The following ADAMTSL1 variants were observed in gnomAD, a reference collection of about 807,000 sequenced individuals.
ADAMTSL1 encodes the protein ADAMTS like 1, also known as ADAMTS-like protein 1.
In ADAMTSL1, 126 loss-of-function variants were observed where a neutral mutation model predicts 201.8. The observed-to-expected ratio is 0.62, with a 90% CI of 0.54 to 0.72. The LOEUF (loss-of-function observed/expected upper bound fraction) is 0.72, where lower values mean the gene tolerates loss of function less well. Among genes scored for constraint, ADAMTSL1 ranks in the 30% least tolerant of loss-of-function variants. The pLI, the probability that ADAMTSL1 is intolerant of heterozygous loss-of-function variation, is 0.00. For missense variants in ADAMTSL1, 2,679 were observed against 2,277.8 expected (o/e 1.18, Z -3.59); for synonymous variants, 1,121 against 903.4 (o/e 1.24, Z -4.32).
chr9:18,262,678 A>C (rs1241337821), intron 2 of ADAMTSL1, among the ~76,000 whole-genome samples: 1 of 152,194 alleles, frequency 6.6e-6, no homozygotes, highest in Non-Finnish European at 1.5e-5. Flanking sequence ...GTTGATCACA[A>C]ATAAAAAATC....
At chr9:18,319,166 G>T (rs1834524778) in intron 2 of ADAMTSL1, among the ~76,000 whole-genome samples, 2 of 151,996 alleles carry the variant, frequency 1.3e-5, no homozygotes, top group Admixed American at 1.3e-4. Flanking sequence ...AGCCATGAAG[G>T]TGCCAGCCTG....
chr9:18,052,529 C>A (rs940739807), intron 1 of ADAMTSL1, among the ~76,000 whole-genome samples: 10 of 152,146 alleles, frequency 6.6e-5, no homozygotes, highest in Admixed American at 6.5e-4. Context: ...GGCCAGAGAG[C>A]CCTGGCCTAG....
chr9:18,641,964 T>C (rs2132823660), intron 7 of ADAMTSL1, among the ~76,000 whole-genome samples: 1 of 152,142 alleles, frequency 6.6e-6, no homozygotes, highest in South Asian at 2.1e-4. Flanking sequence ...TACCTAAGTC[T>C]CAAACCAACC....
chr9:18,287,990 A>G (rs1437623310), intron 2 of ADAMTSL1, among the ~76,000 whole-genome samples: 1 of 152,258 alleles, frequency 6.6e-6, no homozygotes, highest in Middle Eastern at 3.4e-3. Context: ...GTGTATTGAG[A>G]TTGAGTTCTG....
rs141024618 is a variant in ADAMTSL1, at chr9:18,619,745, G to C, written c.475-2498G>C. ...CAGAGTCCGTTAAAAATTTTCCAGA[G>C]AAACTTAAATCCTTTGAGAAACCTG... On this transcript the variant is annotated intron_variant, in intron 4 of 28. Transcript: ENST00000380548. Among the ~76,000 whole-genome samples the C allele has an allele frequency of 3.9e-5, 6 of 152,258 alleles. No homozygotes were observed. The East Asian group carries it at 7.7e-4, about 20-fold the overall frequency.
intron 2 of ADAMTSL1, among the ~76,000 whole-genome samples, chr9:18,250,015 A>C (rs751176634): frequency 1.3e-5 from 2 of 152,252 alleles, no homozygotes; most frequent in African/African-American, 2.4e-5. Context: ...ACCTGTAATA[A>C]ATACTATCTA....
chr9:18,371,114 C>G (rs1837025034), intron 2 of ADAMTSL1, among the ~76,000 whole-genome samples: 1 of 152,048 alleles, frequency 6.6e-6, no homozygotes, highest in South Asian at 2.1e-4. Flanking sequence ...TTAAGTAATA[C>G]ATGGATTCAG....
At chr9:18,699,361 G>C (rs921300315) in intron 13 of ADAMTSL1, among the ~76,000 whole-genome samples, 7 of 72,076 alleles carry the variant, frequency 9.7e-5, no homozygotes, top group Non-Finnish European at 1.6e-4. Flanking sequence ...GTCTTTCTTT[G>C]TAGCCCAGGC....
chr9:18,559,288 G>T (rs1821317989), intron 3 of ADAMTSL1, among the ~76,000 whole-genome samples: 1 of 152,058 alleles, frequency 6.6e-6, no homozygotes, highest in African/African-American at 2.4e-5. Flanking sequence ...GCTTGTTTTT[G>T]TCAGGTTTGT....
chr9:18,342,667 C>T (rs181035131), intron 2 of ADAMTSL1, among the ~76,000 whole-genome samples: 60 of 152,254 alleles, frequency 3.9e-4, no homozygotes, highest in Admixed American at 1.4e-3. Flanking sequence ...ATGGCTAGTG[C>T]TGCCCAACGT....
chr9:17,908,717 C>T (rs1588397105), intron 1 of ADAMTSL1, among the ~76,000 whole-genome samples: 1 of 152,224 alleles, frequency 6.6e-6, no homozygotes, highest in East Asian at 1.9e-4. Context: ...CTCGGCCTTC[C>T]AAAGTTCTGG....
At chr9:18,123,020 T>C (rs1185664200) in intron 1 of ADAMTSL1, among the ~76,000 whole-genome samples, 1 of 152,206 alleles carries the variant, frequency 6.6e-6, no homozygotes, top group East Asian at 1.9e-4. Flanking sequence ...ATTATAGACA[T>C]GAGCTACTGT....
intron 1 of ADAMTSL1, among the ~76,000 whole-genome samples, chr9:17,952,741 G>A (rs1319292913): frequency 1.3e-5 from 2 of 152,100 alleles, no homozygotes; most frequent in African/African-American, 4.8e-5. Flanking sequence ...TGGCCAGGCT[G>A]GTCTCGAACT....
At chr9:18,033,564 C>G (rs545714727) in intron 1 of ADAMTSL1, among the ~76,000 whole-genome samples, 4 of 152,136 alleles carry the variant, frequency 2.6e-5, no homozygotes, top group African/African-American at 7.2e-5. Flanking sequence ...TTCTAACCAG[C>G]CTGTTTCCCG....
intron 2 of ADAMTSL1, among the ~76,000 whole-genome samples, chr9:18,439,776 A>C (rs1819917133): frequency 6.6e-6 from 1 of 152,208 alleles, no homozygotes; most frequent in Admixed American, 6.5e-5. Context: ...TACTTATTGG[A>C]GGAATGTCAG....
At chr9:18,791,399 G>T (rs955951124) in intron 19 of ADAMTSL1, among the ~76,000 whole-genome samples, 1 of 152,178 alleles carries the variant, frequency 6.6e-6, no homozygotes, top group Non-Finnish European at 1.5e-5. Flanking sequence ...TTAAGAGAGA[G>T]GGAAATAACA....
At chr9:18,768,506 G>A (rs1353537231) in intron 16 of ADAMTSL1, among the ~76,000 whole-genome samples, 1 of 144,938 alleles carries the variant, frequency 6.9e-6, no homozygotes, top group African/African-American at 2.6e-5. Flanking sequence ...TAGCTTGTAG[G>A]GTCATTTCAC....
intron 2 of ADAMTSL1, among the ~76,000 whole-genome samples, chr9:18,243,036 G>A (rs1244188507): frequency 6.6e-6 from 1 of 152,036 alleles, no homozygotes; most frequent in African/African-American, 2.4e-5. Context: ...TAGCCAAAAT[G>A]TTTCTGAGAG....
intron 2 of ADAMTSL1, among the ~76,000 whole-genome samples, chr9:18,439,884 A>G (rs984657189): frequency 8.5e-5 from 13 of 152,288 alleles, no homozygotes; most frequent in Admixed American, 8.5e-4. Context: ...AGGTCATATA[A>G]TCAGAAAGTG....
Sources: allele counts gnomAD v4.1 joint callset (sites outside exome capture counted in the v4.1 genomes callset), GRCh38; gene constraint gnomAD v4.1.1; transcripts MANE v1.5; gene names NCBI Gene and HGNC (gene_info 2026-07-23, HGNC 2026-07-21).